The following SLC14A2 variants were observed in gnomAD, a reference collection of about 807,000 sequenced individuals.
SLC14A2 encodes the protein solute carrier family 14 member 2.
Under a neutral mutation model 104.6 loss-of-function variants are expected in SLC14A2, and 91 were observed. The observed-to-expected ratio is 0.87, with a 90% CI of 0.73 to 1.04. The LOEUF is 1.04. Ranked by LOEUF, SLC14A2 falls within the 50% of genes least tolerant of loss-of-function variation. SLC14A2 has a pLI of 0.00. For missense variants in SLC14A2, 1,189 were observed against 1,156.0 expected (o/e 1.03, Z -0.41); for synonymous variants, 476 against 466.4 (o/e 1.02, Z -0.27).
intron 1 of SLC14A2, among the ~76,000 whole-genome samples, chr18:45,231,153 C>G (rs893610933): frequency 6.6e-6 from 1 of 152,012 alleles, no homozygotes; most frequent in Admixed American, 6.6e-5. Context: ...AGTGGACAAC[C>G]CAGAGGCAAA....
At chr18:45,465,532 TG>T (rs1394848613) in intron 1 of SLC14A2, among the ~76,000 whole-genome samples, 1 of 152,154 alleles carries the variant, frequency 6.6e-6, no homozygotes, top group African/African-American at 2.4e-5. Flanking sequence ...GAAAGTATCT[TG>T]TCATCCCAGA....
intron 1 of SLC14A2, among the ~76,000 whole-genome samples, chr18:45,229,912 G>A (rs1015633427): frequency 2.0e-5 from 3 of 151,954 alleles, no homozygotes; most frequent in African/African-American, 4.8e-5. Flanking sequence ...ATCCTGGATC[G>A]GTATGTGCTT....
At chr18:45,365,993 CAAA>C (rs527561100) in intron 1 of SLC14A2, among the ~76,000 whole-genome samples, 7 of 110,942 alleles carry the variant, frequency 6.3e-5, no homozygotes, top group African/African-American at 2.0e-4. Flanking sequence ...GCAAAAGGAC[CAAA>C]AAAAAAAAAA....
chr18:45,223,045 G>A (rs1334301907), intron 1 of SLC14A2, among the ~76,000 whole-genome samples: 2 of 152,160 alleles, frequency 1.3e-5, no homozygotes, highest in East Asian at 3.8e-4. Context: ...GACCATCATG[G>A]CCAACAGAAC....
chr18:45,446,083 C>T (rs1215630152), intron 1 of SLC14A2, among the ~76,000 whole-genome samples: 1 of 152,162 alleles, frequency 6.6e-6, no homozygotes, highest in Non-Finnish European at 1.5e-5. Context: ...TGATATTTAC[C>T]TCTTGCTGTC....
At chr18:45,232,505 A>C (rs75642971) in intron 1 of SLC14A2, among the ~76,000 whole-genome samples, 4 of 152,170 alleles carry the variant, frequency 2.6e-5, no homozygotes, top group African/African-American at 9.7e-5. Context: ...GAAAATAGTA[A>C]CTTGTCTATA....
intron 4 of SLC14A2, among the ~76,000 whole-genome samples, chr18:45,629,370 C>A (rs1426932932): frequency 2.0e-5 from 3 of 152,202 alleles, no homozygotes; most frequent in Admixed American, 6.5e-5. Context: ...TGGGCTCCAG[C>A]CAGGTTCCTG....
At chr18:45,325,906 G>A (rs1377473027) in intron 1 of SLC14A2, among the ~76,000 whole-genome samples, 1 of 152,236 alleles carries the variant, frequency 6.6e-6, no homozygotes, top group South Asian at 2.1e-4. Flanking sequence ...AGTGAGTGAG[G>A]GGTGAAGTCC....
At chr18:45,354,118 A>AT (rs1272497112) in intron 1 of SLC14A2, among the ~76,000 whole-genome samples, 1 of 152,160 alleles carries the variant, frequency 6.6e-6, no homozygotes, top group Non-Finnish European at 1.5e-5. Flanking sequence ...TGAATGAATA[A>AT]TTGTTCTCTA....
intron 16 of SLC14A2, among the ~76,000 whole-genome samples, chr18:45,669,727 C>T (rs1045577160): frequency 1.3e-5 from 2 of 152,208 alleles, no homozygotes; most frequent in Non-Finnish European, 2.9e-5. Context: ...ACTGCGGCCA[C>T]GTTAAGAGAC....
chr18:45,228,670 T>C (rs969157118), intron 1 of SLC14A2, among the ~76,000 whole-genome samples: 21 of 152,166 alleles, frequency 1.4e-4, no homozygotes, highest in Admixed American at 9.8e-4. Context: ...ACTAAAAGTT[T>C]AGGGTGTCTC....
At position 45,538,530 on chromosome 18, in the gene SLC14A2, G is replaced by A. The variant is rs1314833330; in HGVS notation, c.-35+55208G>A. The stretch of plus-strand genomic sequence containing the variant: ...AGTTCCTGACTGGCTGCTGGCCCCA[G>A]GCTTCAGTTCCCCTGTGGGCTTCCC... On this transcript the variant is annotated intron_variant, in intron 2 of 20. Transcript: ENST00000586448. Among the ~76,000 whole-genome samples the A allele has an allele frequency of 6.6e-5, 10 of 152,222 alleles. No individual in the cohort carries two copies. In the South Asian group the frequency reaches 1.2e-3, roughly 19 times the overall value.
Position 45,642,193 on chromosome 18 carries a change from G to C in SLC14A2, c.1126+850G>C, listed in dbSNP as rs115123979. On this transcript the variant is annotated intron_variant, in intron 8 of 19. Coordinates refer to ENST00000255226, the MANE Select transcript of SLC14A2 (RefSeq NM_007163.4). ...TAAAACTAGAGTCAAGGAAACAGAA[G>C]ACTAGCGTCTGGAACAGCTTCTCTT... is the stretch of plus-strand genomic sequence containing the variant. Among the ~76,000 whole-genome samples, 759 of 152,322 alleles carry C rather than the reference G, an allele frequency of 5.0e-3. 7 individuals are homozygous for C. Among genetic ancestry groups the C allele is most frequent in the African/African-American group, 0.017 (726 of 41,576 alleles).
chr18:45,458,668 G>A (rs1456509918), intron 1 of SLC14A2, among the ~76,000 whole-genome samples: 2 of 152,266 alleles, frequency 1.3e-5, no homozygotes, highest in East Asian at 3.9e-4. Context: ...ATCTAGTCCA[G>A]CCTCCTCTTT....
At chr18:45,303,030 GAAAAGA>G (rs950914012) in intron 1 of SLC14A2, among the ~76,000 whole-genome samples, 8 of 151,848 alleles carry the variant, frequency 5.3e-5, no homozygotes, top group African/African-American at 1.7e-4. Context: ...AAAAAGAAAA[GAAAAGA>G]AAAAGAAAAA....
intron 4 of SLC14A2, among the ~76,000 whole-genome samples, chr18:45,629,721 C>G (rs2045315938): frequency 2.0e-5 from 3 of 152,212 alleles, no homozygotes; most frequent in African/African-American, 7.2e-5. Flanking sequence ...CAGAGGGTCA[C>G]TTCACAGACT....
At chr18:45,605,446 T>C (rs2044853106) in intron 2 of SLC14A2, among the ~76,000 whole-genome samples, 2 of 152,070 alleles carry the variant, frequency 1.3e-5, no homozygotes, top group Admixed American at 1.3e-4. Flanking sequence ...GCCAGGACTT[T>C]TGACCTCCCG....
intron 2 of SLC14A2, among the ~76,000 whole-genome samples, chr18:45,525,944 T>C (rs1438080136): frequency 6.6e-6 from 1 of 152,158 alleles, no homozygotes; most frequent in East Asian, 1.9e-4. Context: ...GTGTAACAAA[T>C]CTCAGCAAAA....
intron 2 of SLC14A2, among the ~76,000 whole-genome samples, chr18:45,532,225 C>T (rs1598969125): frequency 6.6e-6 from 1 of 152,000 alleles, no homozygotes. Flanking sequence ...TAGTTTTTTC[C>T]AATTCTGTGA....
Sources: allele counts gnomAD v4.1 joint callset (sites outside exome capture counted in the v4.1 genomes callset), GRCh38; gene constraint gnomAD v4.1.1; transcripts MANE v1.5; gene names NCBI Gene and HGNC (gene_info 2026-07-23, HGNC 2026-07-21).